RPS6KC1: variants seen among roughly 807,000 people sequenced by gnomAD.
RPS6KC1 encodes inactive ribosomal protein S6 kinase delta-1.
In RPS6KC1, 54 loss-of-function variants were observed where a neutral mutation model predicts 103.8. The observed-to-expected ratio is 0.52, with a 90% CI of 0.42 to 0.65. The LOEUF (loss-of-function observed/expected upper bound fraction) is 0.65. Ranked by LOEUF, RPS6KC1 falls within the 30% of genes least tolerant of loss-of-function variation. RPS6KC1 has a pLI of 0.00. For missense variants in RPS6KC1, 1,151 were observed against 1,253.8 expected (o/e 0.92, Z 1.24); for synonymous variants, 439 against 438.7 (o/e 1.00, Z -0.01).
the RPS6KC1 span, among the ~76,000 whole-genome samples, chr1:213,632,630 G>A: frequency 9.2e-5 from 14 of 152,194 alleles, no homozygotes; most frequent in South Asian, 4.1e-4. Context: ...AAACCAGAGC[G>A]CCTCTTCTCC....
At chr1:213,467,850 C>A in the RPS6KC1 span, among the ~76,000 whole-genome samples, 1 of 152,172 alleles carries the variant, frequency 6.6e-6, no homozygotes, top group Non-Finnish European at 1.5e-5. Context: ...CTTTAGTGTT[C>A]ATTTCCCCAC....
the RPS6KC1 span, among the ~76,000 whole-genome samples, chr1:213,510,268 C>A: frequency 2.6e-5 from 4 of 152,176 alleles, no homozygotes; most frequent in Non-Finnish European, 4.4e-5. Context: ...TTCCTGGTAC[C>A]AATCACCAGA....
the RPS6KC1 span, among the ~76,000 whole-genome samples, chr1:213,657,730 A>C: frequency 1.3e-5 from 2 of 152,244 alleles, no homozygotes. Flanking sequence ...AAACAGTTTC[A>C]TGATAAGTGG....
Position 213,272,765 on chromosome 1 carries a change from G to C in RPS6KC1, c.*131G>C, listed in dbSNP as rs149939613. ...TGGATAAAGACCGTTATAGGAAATGGGGGGGAAATGGCTAAAAGAGAACAA... is the reference window on the plus strand; with the variant it reads ...TGGATAAAGACCGTTATAGGAAATGCGGGGGAAATGGCTAAAAGAGAACAA... On this transcript the variant is annotated 3_prime_UTR_variant, in exon 15 of 15. Transcript: ENST00000366960. 118 of 639,442 alleles carry C rather than the reference G, an allele frequency of 1.8e-4. No homozygotes were observed. In the African/African-American group the frequency reaches 2.0e-3, roughly 11 times the overall value. 39.6% of individuals were successfully genotyped at this position (639,442 alleles called of 1,614,324 possible).
intron 14 of RPS6KC1, among the ~76,000 whole-genome samples, 186 bp from the exon 15 acceptor site, chr1:213,272,338 T>A (rs963436328): frequency 6.6e-6 from 1 of 152,220 alleles, no homozygotes; most frequent in Admixed American, 6.5e-5. Flanking sequence ...AGTTCAGGTG[T>A]CTCTCACACC....
chr1:213,123,655 G>A (rs1487340499), intron 5 of RPS6KC1, among the ~76,000 whole-genome samples: 2 of 152,098 alleles, frequency 1.3e-5, no homozygotes, highest in Non-Finnish European at 2.9e-5. Flanking sequence ...TTTCTTAATG[G>A]AAACTGGTAT....
At chr1:213,564,441 G>A in the RPS6KC1 span, among the ~76,000 whole-genome samples, 1 of 152,196 alleles carries the variant, frequency 6.6e-6, no homozygotes, top group Admixed American at 6.5e-5. Context: ...GGGAAAAGAA[G>A]GAAGAGGGAA....
the RPS6KC1 span, among the ~76,000 whole-genome samples, chr1:213,428,527 T>TTCCTTC: frequency 1.7e-5 from 2 of 114,936 alleles, no homozygotes; most frequent in African/African-American, 7.0e-5. Context: ...CCTCTTTCTC[T>TTCCTTC]CTCTCTCTCT....
chr1:213,159,838 G>T (rs1053221671), intron 6 of RPS6KC1, among the ~76,000 whole-genome samples: 5 of 152,098 alleles, frequency 3.3e-5, no homozygotes, highest in African/African-American at 1.2e-4. Context: ...ATTTGAGAGG[G>T]CTGATTTATT....
intron 8 of RPS6KC1, chr1:213,176,739 G>T (rs1212377019): frequency 7.0e-6 from 2 of 284,990 alleles, no homozygotes; most frequent in Non-Finnish European, 1.4e-5. Flanking sequence ...TGAGTAAGGG[G>T]TTTGGTTTTA....
chr1:213,678,609 A>G, the RPS6KC1 span, among the ~76,000 whole-genome samples: 2 of 152,336 alleles, frequency 1.3e-5, no homozygotes, highest in East Asian at 3.9e-4. Flanking sequence ...AAAATCCCAT[A>G]TAGATTTTTG....
intron 8 of RPS6KC1, among the ~76,000 whole-genome samples, chr1:213,196,348 A>T (rs2092947514): frequency 6.6e-6 from 1 of 151,350 alleles, no homozygotes; most frequent in African/African-American, 2.4e-5. Context: ...TTTCTTGCTG[A>T]TTTATTTGAC....
chr1:213,858,396 T>G, the RPS6KC1 span, among the ~76,000 whole-genome samples: 12 of 151,102 alleles, frequency 7.9e-5, no homozygotes, highest in African/African-American at 2.7e-4. Flanking sequence ...CCATGATGTG[T>G]TTTTTTTTAG....
the RPS6KC1 span, among the ~76,000 whole-genome samples, chr1:213,407,807 G>A: frequency 1.3e-5 from 2 of 152,170 alleles, no homozygotes; most frequent in Non-Finnish European, 2.9e-5. Context: ...GAAGAGATAT[G>A]TGTTCTGACT....
At chr1:213,841,009 T>A in the RPS6KC1 span, 1 of 152,230 alleles carries the variant, frequency 6.6e-6, no homozygotes, top group Non-Finnish European at 1.5e-5. Context: ...GACACAGTCT[T>A]TTAGGCTGCC....
At chr1:213,119,832 A>G (rs1486517609) in intron 5 of RPS6KC1, among the ~76,000 whole-genome samples, 1 of 152,068 alleles carries the variant, frequency 6.6e-6, no homozygotes, top group Non-Finnish European at 1.5e-5. Context: ...AGGTGAACAG[A>G]TGGCTGTATT....
the RPS6KC1 span, among the ~76,000 whole-genome samples, chr1:213,380,371 T>A: frequency 6.6e-6 from 1 of 152,136 alleles, no homozygotes; most frequent in Non-Finnish European, 1.5e-5. Context: ...AAATAACTAA[T>A]GGATACTAGG....
the RPS6KC1 span, among the ~76,000 whole-genome samples, chr1:213,809,013 A>C: frequency 6.6e-6 from 1 of 152,194 alleles, no homozygotes; most frequent in African/African-American, 2.4e-5. Flanking sequence ...TGCATTCACA[A>C]CTTCTCTTAA....
intron 8 of RPS6KC1, among the ~76,000 whole-genome samples, chr1:213,216,974 G>C (rs1161929078): frequency 6.6e-6 from 1 of 151,676 alleles, no homozygotes; most frequent in African/African-American, 2.4e-5. Context: ...AGAGAAGCAA[G>C]AGCAAACACA....
Sources: gnomAD v4.1 joint callset for allele counts (sites outside exome capture counted in the v4.1 genomes callset) on GRCh38, gnomAD v4.1.1 for gene constraint, MANE v1.5 for transcripts, NCBI Gene and HGNC (gene_info 2026-07-23, HGNC 2026-07-21) for gene names.